Variants in SV2B observed in about 807,000 individuals in gnomAD.
SV2B encodes the protein solute carrier family 22 member B2.
In SV2B, 41 loss-of-function variants were observed where a neutral mutation model predicts 73.9. The observed-to-expected ratio is 0.56, with a 90% CI of 0.43 to 0.72. The LOEUF is 0.72. SV2B is among the 30% of genes least tolerant of loss of function. The pLI is 0.00. For synonymous variants in SV2B, 314 were observed against 314.2 expected (o/e 1.00, Z 0.01); for missense variants, 764 against 857.8 (o/e 0.89, Z 1.37).
At chr15:91,192,944 T>G (rs146482066) in intron 1 of SV2B, among the ~76,000 whole-genome samples, 56 of 152,360 alleles carry the variant, frequency 3.7e-4, no homozygotes, top group African/African-American at 1.2e-3. Flanking sequence ...ACCAGTCATT[T>G]GCAGGCTGTG....
chr15:91,160,866 A>G (rs2043690677), intron 1 of SV2B, among the ~76,000 whole-genome samples: 1 of 152,232 alleles, frequency 6.6e-6, no homozygotes, highest in South Asian at 2.1e-4. Context: ...TAAATTTCAG[A>G]TGCATTAATC....
chr15:91,177,896 C>T (rs999716200), intron 1 of SV2B, among the ~76,000 whole-genome samples: 6 of 146,698 alleles, frequency 4.1e-5, no homozygotes, highest in Admixed American at 1.3e-4. Context: ...CCTTCTCCTG[C>T]CTAATTGCCC....
chr15:91,229,077 C>G lies in SV2B; in HGVS notation c.451+2363C>G, dbSNP rs1020563302. Among the ~76,000 whole-genome samples the G allele has an allele frequency of 8.5e-5, 13 of 152,238 alleles. No individual in the cohort carries two copies. The highest frequency in any genetic ancestry group is 3.1e-4 in the African/African-American group (13 of 41,474). On this transcript the variant is annotated intron_variant, in intron 2 of 12. Coordinates refer to ENST00000394232, the MANE Select transcript of SV2B (RefSeq NM_001323032.3). This position sits in a 1 kb window ranked among gnomAD's most constrained non-coding sequence, Gnocchi z 4.3. ...TTCTGCCACACCATACTGCCTTTCT[C>G]TCACGCCTCGTTTGTGGGAAGGAGG...
chr15:91,155,025 A>T (rs374040896), intron 1 of SV2B, among the ~76,000 whole-genome samples: 5 of 151,924 alleles, frequency 3.3e-5, no homozygotes, highest in African/African-American at 9.7e-5. Flanking sequence ...ATTTTTTGTT[A>T]TTGATGAGTC....
intron 1 of SV2B, among the ~76,000 whole-genome samples, chr15:91,191,827 A>G (rs1402094312): frequency 1.3e-5 from 2 of 152,162 alleles, no homozygotes; most frequent in Non-Finnish European, 2.9e-5. Context: ...TTTTATATTA[A>G]CTAGTTATTA....
rs150624308 is a variant in SV2B at position 91,137,401 on chromosome 15, C to T, written c.-392+37038C>T. ...CCACAAAGCTATTATTTATTTTTAA[C>T]TTATAATTATATTTACAATGGATGA... On this transcript the variant is annotated intron_variant, in intron 1 of 12. Transcript: ENST00000394232. This position sits in a 1 kb window ranked among gnomAD's most constrained non-coding sequence, Gnocchi z 4.9. Among the ~76,000 whole-genome samples, 113 of 151,910 alleles carry T rather than the reference C, an allele frequency of 7.4e-4. No homozygotes were observed. The East Asian group carries it at 0.018, about 24-fold the overall frequency.
intron 1 of SV2B, among the ~76,000 whole-genome samples, chr15:91,198,278 C>T (rs1051697305): frequency 3.3e-5 from 5 of 152,164 alleles, no homozygotes; most frequent in Non-Finnish European, 5.9e-5. Flanking sequence ...ATCACTTTCT[C>T]TTCAAATTTC....
In SV2B at chr15:91,226,603, G is replaced by C. The variant is rs746858920; in HGVS notation, c.340G>C (p.Val114Leu). Residue 114 changes from valine to leucine, a missense_variant, in exon 2 of 13, where the codon GTC becomes CTC. Val to Leu is a conservative substitution (Grantham distance 32, BLOSUM62 1). Coordinates refer to ENST00000394232, the MANE Select transcript of SV2B (RefSeq NM_001323032.3). Reference protein sequence around the residue: ...HGRFQWILFFVLGLALMADGV... With the variant: ...HGRFQWILFFLLGLALMADGV... ...CCGCTTCCAGTGGATCCTCTTTTTC[G>C]TCTTGGGTTTGGCCCTGATGGCCGA... 6.2e-7 allele frequency: 1 copy of C among 1,614,186 alleles called. No individual in the cohort carries two copies. Among genetic ancestry groups the C allele is most frequent in the Non-Finnish European group, 8.5e-7 (1 of 1,180,012 alleles).
At chr15:91,228,580 C>T (rs957621059) in intron 2 of SV2B, among the ~76,000 whole-genome samples, 4 of 152,188 alleles carry the variant, frequency 2.6e-5, no homozygotes, top group African/African-American at 7.2e-5. Flanking sequence ...TCTCTGGCAC[C>T]GTGGTGCCTG....
At chr15:91,212,104 C>G (rs1235329225) in intron 1 of SV2B, among the ~76,000 whole-genome samples, 1 of 152,162 alleles carries the variant, frequency 6.6e-6, no homozygotes, top group African/African-American at 2.4e-5. Flanking sequence ...TCTAGATGCT[C>G]TCTTAGATAA....
rs185900306 is a variant in SV2B at position 91,123,383 on chromosome 15, T to C, written c.-392+23020T>C. Among the ~76,000 whole-genome samples, 11 of 152,326 alleles carry C rather than the reference T, an allele frequency of 7.2e-5. No individual in the cohort carries two copies. The highest frequency in any genetic ancestry group is 7.2e-4 in the Admixed American group (11 of 15,304). The stretch of plus-strand genomic sequence containing the variant: ...TTAGCTTGGTTTAGCCATTCCACGA[T>C]GTATTCATATTTGAAAACAACATTT... On this transcript the variant is annotated intron_variant, in intron 1 of 12. Coordinates refer to ENST00000394232, the MANE Select transcript of SV2B (RefSeq NM_001323032.3). This position sits in a 1 kb window ranked among gnomAD's most constrained non-coding sequence, Gnocchi z 4.7.
intron 1 of SV2B, among the ~76,000 whole-genome samples, chr15:91,149,957 T>C (rs552194946): frequency 6.6e-6 from 1 of 152,204 alleles, no homozygotes; most frequent in Non-Finnish European, 1.5e-5. Flanking sequence ...TATGTAGCGC[T>C]GACCCTCTGA....
At position 91,296,362 on chromosome 15, in the gene SV2B, A is replaced by G. The variant is rs1168166995; in HGVS notation, c.*3810A>G. Reference sequence around the variant, plus strand: ...ATTTATAATAAGTTTATAGTAAGTTAAAGGTTTGTTTTACTCTCATGTGAA... The same window carrying G: ...ATTTATAATAAGTTTATAGTAAGTTGAAGGTTTGTTTTACTCTCATGTGAA... On this transcript the variant is annotated 3_prime_UTR_variant, in exon 13 of 13. Transcript: ENST00000394232. 1.3e-5 allele frequency: 2 copies of G among 152,280 alleles called. No homozygotes were observed. Among genetic ancestry groups the G allele is most frequent in the African/African-American group, 4.8e-5 (2 of 41,472 alleles). 9.4% of individuals were successfully genotyped at this position (152,280 alleles called of 1,614,324 possible). A position where few individuals can be genotyped will look rare whatever the true frequency, so the allele number is the denominator to read the frequency against.
Position 91,252,630 on chromosome 15 carries a change from A to G in SV2B, c.784+110A>G. The G allele has an allele frequency of 1.7e-6, 2 of 1,143,104 alleles. No individual in the cohort carries two copies. Among genetic ancestry groups the G allele is most frequent in the Non-Finnish European group, 2.3e-6 (2 of 884,642 alleles). 70.8% of individuals were successfully genotyped at this position (1,143,104 alleles called of 1,614,324 possible). A position where few individuals can be genotyped will look rare whatever the true frequency, so the allele number is the denominator to read the frequency against. ...CCATGTACTCACGCACAGTTCCCGT[A>G]CGTGACCTTGATCTTTCTTAACAAC... On this transcript the variant is annotated intron_variant, in intron 4 of 12. Transcript: ENST00000394232. This position sits in a 1 kb window ranked among gnomAD's most constrained non-coding sequence, Gnocchi z 4.6.
chr15:91,294,394 T>C lies in SV2B; in HGVS notation c.*1842T>C, dbSNP rs113629659. 6 of 152,100 alleles carry C rather than the reference T, an allele frequency of 3.9e-5. No homozygotes were observed. The highest frequency in any genetic ancestry group is 8.8e-5 in the Non-Finnish European group (6 of 68,014). 9.4% of individuals were successfully genotyped at this position (152,100 alleles called of 1,614,324 possible). Reference sequence around the variant, plus strand: ...CACCTTTTTATTTACACCCCTCCCTTTTTTTCTGTACAGGGAGAGAAGACA... The same window carrying C: ...CACCTTTTTATTTACACCCCTCCCTCTTTTTCTGTACAGGGAGAGAAGACA... On this transcript the variant is annotated 3_prime_UTR_variant, in exon 13 of 13. Coordinates refer to ENST00000394232, the MANE Select transcript of SV2B (RefSeq NM_001323032.3). This position sits in a 1 kb window ranked among gnomAD's most constrained non-coding sequence, Gnocchi z 4.1.
chr15:91,164,309 A>G (rs2043834188), intron 1 of SV2B, among the ~76,000 whole-genome samples: 1 of 152,230 alleles, frequency 6.6e-6, no homozygotes, highest in South Asian at 2.1e-4. Context: ...CTAAGCAAAA[A>G]GAACAAAGCA....
At position 91,284,029 on chromosome 15, in the gene SV2B, G is replaced by T; in HGVS notation, c.1516G>T (p.Glu506Ter). The T allele has an allele frequency of 6.2e-7, 1 of 1,613,992 alleles. No homozygotes were observed. The highest frequency in any genetic ancestry group is 1.1e-5 in the South Asian group (1 of 91,058). ...STIFYNTDLY[E>*]HKFINCRFIN... is the part of the protein sequence containing the mutation. ...TTTCCTTCTCTCCCCAGACCTCTAC[G>T]AGCACAAGTTCATCAACTGTCGGTT... Residue 506 changes from glutamate to a stop codon, truncating the protein, a stop_gained, in exon 11 of 13, where the codon GAG (glutamate) becomes TAG (stop). Transcript: ENST00000394232. LOFTEE classifies it high-confidence loss of function. The surrounding 1 kb of genome is among the most constrained non-coding windows in gnomAD (Gnocchi z 4.5).
At chr15:91,160,199 A>G (rs1308327463) in intron 1 of SV2B, among the ~76,000 whole-genome samples, 1 of 152,204 alleles carries the variant, frequency 6.6e-6, no homozygotes, top group Non-Finnish European at 1.5e-5. Context: ...CTTTTTGGAA[A>G]GGTGGGGAGC....
intron 1 of SV2B, among the ~76,000 whole-genome samples, chr15:91,180,044 C>A (rs1337716034): frequency 1.3e-5 from 2 of 151,772 alleles, no homozygotes; most frequent in African/African-American, 4.8e-5. Flanking sequence ...TTGTTCCTTT[C>A]CATGTTTAGT....
Sources: allele counts gnomAD v4.1 joint callset (sites outside exome capture counted in the v4.1 genomes callset), GRCh38; gene constraint gnomAD v4.1.1; non-coding constraint Gnocchi (gnomAD v3.1); transcripts MANE v1.5; gene names NCBI Gene and HGNC (gene_info 2026-07-23, HGNC 2026-07-21).